Variants in PLXNA2 observed in about 807,000 individuals in gnomAD.
The protein encoded by PLXNA2 is plexin A2.
A neutral mutation model predicts 193.5 loss-of-function variants in PLXNA2; 91 were observed. The observed-to-expected ratio is 0.47, with a 90% CI of 0.40 to 0.56. The LOEUF (loss-of-function observed/expected upper bound fraction) is 0.56. Ranked by LOEUF, PLXNA2 falls within the 20% of genes least tolerant of loss-of-function variation. PLXNA2 has a pLI of 0.00. For missense variants in PLXNA2, 1,995 were observed against 2,503.2 expected (o/e 0.80, Z 4.33); for synonymous variants, 997 against 1,027.3 (o/e 0.97, Z 0.56).
At chr1:208,101,784 A>G (rs1161185169) in intron 5 of PLXNA2, among the ~76,000 whole-genome samples, 2 of 152,132 alleles carry the variant, frequency 1.3e-5, no homozygotes, top group Non-Finnish European at 2.9e-5. Flanking sequence ...AGCTGGGAGG[A>G]CAGAGTGGCG....
intron 3 of PLXNA2, among the ~76,000 whole-genome samples, chr1:208,148,953 G>A (rs1668676195): frequency 6.6e-6 from 1 of 152,168 alleles, no homozygotes; most frequent in Admixed American, 6.5e-5. Flanking sequence ...TAGAAACTTG[G>A]TCTCTCAGAC....
At chr1:208,090,504 T>C (rs1666672782) in intron 9 of PLXNA2, among the ~76,000 whole-genome samples, 1 of 152,088 alleles carries the variant, frequency 6.6e-6, no homozygotes, top group African/African-American at 2.4e-5. Flanking sequence ...TTCCGAATGG[T>C]GTGAGGAAGG....
At chr1:208,227,461 A>G (rs551282546) in intron 1 of PLXNA2, among the ~76,000 whole-genome samples, 27 of 152,186 alleles carry the variant, frequency 1.8e-4, no homozygotes, top group Admixed American at 3.3e-4. Context: ...TTTCCCTACT[A>G]TTCTACACTG....
chr1:208,209,508 C>T (rs1670856103), intron 3 of PLXNA2, among the ~76,000 whole-genome samples: 1 of 152,160 alleles, frequency 6.6e-6, no homozygotes, highest in Non-Finnish European at 1.5e-5. Flanking sequence ...CTGCTCTAAT[C>T]CCACATAATG....
rs1664313872 is a variant in PLXNA2, at chr1:208,025,417, A to C, written c.*1826T>G. ...ATAACAGAGAAAATGACCCTGGTCT[A>C]GTCTCTCTTGGAGGAGCTGGTCTAG... On this transcript the variant is annotated 3_prime_UTR_variant, in exon 32 of 32. Coordinates refer to ENST00000367033, the MANE Select transcript of PLXNA2 (RefSeq NM_025179.4). 1 of 152,270 alleles carries C rather than the reference A, an allele frequency of 6.6e-6. No individual in the cohort carries two copies. Among genetic ancestry groups the C allele is most frequent in the African/African-American group, 2.4e-5 (1 of 41,464 alleles). 9.4% of individuals were successfully genotyped at this position (152,270 alleles called of 1,614,324 possible). A position where few individuals can be genotyped will look rare whatever the true frequency, so the allele number is the denominator to read the frequency against.
intron 17 of PLXNA2, among the ~76,000 whole-genome samples, chr1:208,050,564 G>T (rs1238694778): frequency 6.6e-6 from 1 of 152,208 alleles, no homozygotes; most frequent in Non-Finnish European, 1.5e-5. Flanking sequence ...TGAATATGGT[G>T]GCCCATGCCT....
intron 1 of PLXNA2, among the ~76,000 whole-genome samples, chr1:208,229,307 C>T (rs1246351783): frequency 6.6e-6 from 1 of 152,170 alleles, no homozygotes; most frequent in Non-Finnish European, 1.5e-5. Flanking sequence ...GTGACTATTT[C>T]CTATCTCCCC....
chr1:208,228,548 A>G (rs1011005622), intron 1 of PLXNA2, among the ~76,000 whole-genome samples: 7 of 152,130 alleles, frequency 4.6e-5, no homozygotes, highest in Admixed American at 1.3e-4. Context: ...TCTCAGACCC[A>G]TTGTCTGACT....
chr1:208,190,850 A>G (rs1363728846), intron 3 of PLXNA2, among the ~76,000 whole-genome samples: 1 of 152,228 alleles, frequency 6.6e-6, no homozygotes, highest in Non-Finnish European at 1.5e-5. Flanking sequence ...AATTGTATGA[A>G]TGAACACTCT....
At chr1:208,090,425 T>C (rs1666669851) in intron 9 of PLXNA2, among the ~76,000 whole-genome samples, 1 of 152,154 alleles carries the variant, frequency 6.6e-6, no homozygotes, top group Admixed American at 6.5e-5. Flanking sequence ...AGGCAACAGC[T>C]TCTCTTGGCC....
intron 12 of PLXNA2, among the ~76,000 whole-genome samples, chr1:208,074,718 A>G (rs1558178624): frequency 6.6e-6 from 1 of 152,216 alleles, no homozygotes. Context: ...CAGGAAGGAC[A>G]GCATCCATTC....
At chr1:208,235,949 C>T (rs548980216) in intron 1 of PLXNA2, among the ~76,000 whole-genome samples, 4 of 152,092 alleles carry the variant, frequency 2.6e-5, no homozygotes, top group Admixed American at 2.0e-4. Context: ...CAGAAAACCT[C>T]GTAGCCTGGG....
intron 3 of PLXNA2, among the ~76,000 whole-genome samples, chr1:208,162,583 T>C (rs867909316): frequency 3.3e-5 from 5 of 152,192 alleles, no homozygotes; most frequent in Admixed American, 2.0e-4. Flanking sequence ...GAATCCTGCA[T>C]GCTTCTTGAT....
At position 208,217,820 on chromosome 1, in the gene PLXNA2, T is replaced by G; in HGVS notation, c.103A>C (p.Met35Leu). The part of the protein sequence containing the change: ...WVLLAPPAAG[M>L]PQFSTFHSEN... Reference sequence around the variant, plus strand: ...GAGTGGAAGGTGCTGAACTGAGGCATGCCGGCTGCTGGGGGGGCCAGCAGC... The same window carrying G: ...GAGTGGAAGGTGCTGAACTGAGGCAGGCCGGCTGCTGGGGGGGCCAGCAGC... Residue 35 changes from methionine (M) to leucine (L), a missense_variant, in exon 2 of 32, where the codon ATG becomes CTG. By Grantham distance (15) the Met-to-Leu change is conservative (BLOSUM62 2). Coordinates refer to ENST00000367033, the MANE Select transcript of PLXNA2 (RefSeq NM_025179.4). The surrounding 1 kb of genome is among the most constrained non-coding windows in gnomAD (Gnocchi z 4.7). 2 of 1,614,132 alleles carry G rather than the reference T, an allele frequency of 1.2e-6. No homozygotes were observed. The highest frequency in any genetic ancestry group is 1.7e-6 in the Non-Finnish European group (2 of 1,180,014).
rs1008011770 is a variant in PLXNA2, at chr1:208,236,471, C to T, written c.-81+7172G>A. Reference sequence around the variant, plus strand: ...GCAAGGCAGGGCTTTTCTACACACCCCTTCCTCTGCTCCTGAACCTTCCAC... The same window carrying T: ...GCAAGGCAGGGCTTTTCTACACACCTCTTCCTCTGCTCCTGAACCTTCCAC... On this transcript the variant is annotated intron_variant, in intron 1 of 31. Transcript: ENST00000367033. The surrounding 1 kb of genome is among the most constrained non-coding windows in gnomAD (Gnocchi z 4.4). Among the ~76,000 whole-genome samples the T allele has an allele frequency of 2.6e-5, 4 of 152,180 alleles. No homozygotes were observed. The highest frequency in any genetic ancestry group is 5.9e-5 in the Non-Finnish European group (4 of 68,024).
Position 208,033,511 on chromosome 1 carries a change from TGAG to T in PLXNA2, c.4865-5_4865-3del. On this transcript the variant is annotated splice_polypyrimidine_tract_variant and splice_region_variant and intron_variant, in intron 27 of 31. Transcript: ENST00000367033. Reference sequence around the variant, plus strand: ...TGCCCGTATACCTGAAGGAGGAGTCTGAGGAGAAGGGGTTGGTGGAGGGCTGTG... The same window carrying T: ...TGCCCGTATACCTGAAGGAGGAGTCTGAGAAGGGGTTGGTGGAGGGCTGTG... 1 of 1,598,738 alleles carries T rather than the reference TGAG, an allele frequency of 6.3e-7. No individual in the cohort carries two copies. Among genetic ancestry groups the T allele is most frequent in the Non-Finnish European group, 8.6e-7 (1 of 1,169,084 alleles).
chr1:208,142,355 A>G lies in PLXNA2; in HGVS notation c.1480T>C (p.Tyr494His). 1 of 1,612,768 alleles carries G rather than the reference A, an allele frequency of 6.2e-7. No homozygotes were observed. Among genetic ancestry groups the G allele is most frequent in the African/African-American group, 1.3e-5 (1 of 74,980 alleles). ...TGTCTCTCAGACATGACGTACAGGTAGCGCTGATCAATGGAGAAGGCCATG... is the reference window on the plus strand; with the variant it reads ...TGTCTCTCAGACATGACGTACAGGTGGCGCTGATCAATGGAGAAGGCCATG... ...RDMAFSIDQR[Y>H]LYVMSERQVT... The change falls in exon 4 of 32, where the codon TAC becomes CAC. Residue 494 changes from tyrosine (Y) to histidine (H), a missense_variant. Physicochemically the swap from Tyr to His is moderately conservative, Grantham distance 83. Coordinates refer to ENST00000367033, the MANE Select transcript of PLXNA2 (RefSeq NM_025179.4).
intron 12 of PLXNA2, among the ~76,000 whole-genome samples, chr1:208,061,723 A>T (rs1160567409): frequency 6.6e-6 from 1 of 152,220 alleles, no homozygotes; most frequent in African/African-American, 2.4e-5. Context: ...TCAAGATGTA[A>T]TAAAGTTCTA....
intron 22 of PLXNA2, 37 bp downstream of exon 22, chr1:208,042,061 T>A (rs1338745794): frequency 6.2e-7 from 1 of 1,602,350 alleles, no homozygotes; most frequent in African/African-American, 1.3e-5. Context: ...AGGTTCAGAC[T>A]CCTGCCACCC....
Sources: gnomAD v4.1 joint callset for allele counts (sites outside exome capture counted in the v4.1 genomes callset) on GRCh38, gnomAD v4.1.1 for gene constraint, Gnocchi (gnomAD v3.1) non-coding constraint, MANE v1.5 for transcripts, NCBI Gene and HGNC (gene_info 2026-07-23, HGNC 2026-07-21) for gene names.